Variants in ACTR3C observed in about 807,000 individuals in gnomAD.
ACTR3C encodes actin-related protein 3C.
ACTR3C carries 18 observed loss-of-function variants against 26.3 expected under a neutral mutation model. The ratio of observed to expected loss-of-function variants is 0.68; its 90% CI spans 0.47 to 1.01. ACTR3C has a LOEUF of 1.01. ACTR3C is among the 50% of genes least tolerant of loss of function. The pLI is 0.00. For missense variants in ACTR3C, 184 were observed against 250.7 expected, an observed-to-expected ratio of 0.73 and a Z score of 1.80; for synonymous variants, 55 against 94.5, an observed-to-expected ratio of 0.58 and a Z score of 2.42.
At chr7:149,893,221 A>G in the ACTR3C span, among the ~76,000 whole-genome samples, 1 of 152,118 alleles carries the variant, frequency 6.6e-6, no homozygotes, top group South Asian at 2.1e-4. Context: ...TCCTCACTTG[A>G]GGGCTTCCTT....
chr7:150,035,082 C>T, the ACTR3C span, among the ~76,000 whole-genome samples: 2 of 138,628 alleles, frequency 1.4e-5, no homozygotes, highest in African/African-American at 5.4e-5. Context: ...AAGATTTGAA[C>T]TTTCTACTTG....
the ACTR3C span, among the ~76,000 whole-genome samples, chr7:149,954,528 T>C: frequency 6.6e-6 from 1 of 152,198 alleles, no homozygotes; most frequent in Admixed American, 6.5e-5. Context: ...CATTGATTTA[T>C]ATATTCAGTT....
At chr7:149,949,526 G>T in the ACTR3C span, among the ~76,000 whole-genome samples, 129 of 142,348 alleles carry the variant, frequency 9.1e-4, no homozygotes, top group African/African-American at 3.4e-3. Context: ...TTTGCCTTTA[G>T]TCTTATGTTC....
the ACTR3C span, among the ~76,000 whole-genome samples, chr7:150,097,619 A>G: frequency 1.3e-5 from 2 of 151,620 alleles, no homozygotes; most frequent in Non-Finnish European, 2.9e-5. Context: ...AACCTGTTTA[A>G]GAAATCACAC....
the ACTR3C span, among the ~76,000 whole-genome samples, chr7:150,190,752 G>C: frequency 6.6e-6 from 1 of 152,098 alleles, no homozygotes; most frequent in Admixed American, 6.6e-5. Context: ...GACATACCCA[G>C]GACTGGGTAA....
intron 4 of ACTR3C, among the ~76,000 whole-genome samples, chr7:150,287,153 T>C (rs1427716760): frequency 6.6e-6 from 1 of 151,340 alleles, no homozygotes; most frequent in East Asian, 1.9e-4. Flanking sequence ...GTATTCTAAG[T>C]CCCTCAATCA....
chr7:149,969,021 T>C, the ACTR3C span, among the ~76,000 whole-genome samples: 1 of 151,844 alleles, frequency 6.6e-6, no homozygotes, highest in African/African-American at 2.4e-5. Context: ...GGAACAAAGA[T>C]TTCAGCTTCT....
the ACTR3C span, among the ~76,000 whole-genome samples, chr7:149,989,028 A>G: frequency 6.6e-6 from 1 of 152,182 alleles, no homozygotes; most frequent in Non-Finnish European, 1.5e-5. Context: ...CCAGGCATGG[A>G]GGGTCTCTGA....
rs1832647581 is a variant in ACTR3C, at chr7:150,248,983, A to T, written c.*3T>A. On this transcript the variant is annotated 3_prime_UTR_variant, in exon 7 of 8. Coordinates refer to ENST00000683684, the MANE Select transcript of ACTR3C (RefSeq NM_001164458.2). ...AGGCTACGCATGGGCTCAATATATC[A>T]TCTCAATGAAATGGAGGTGACAGAG... 3.0e-6 allele frequency: 2 copies of T among 671,280 alleles called. No homozygotes were observed. Among genetic ancestry groups the T allele is most frequent in the Admixed American group, 2.4e-5 (1 of 42,472 alleles). 41.6% of individuals were successfully genotyped at this position (671,280 alleles called of 1,614,324 possible). A position where few individuals can be genotyped will look rare whatever the true frequency, so the allele number is the denominator to read the frequency against.
chr7:150,286,669 G>C (rs1835803124), intron 4 of ACTR3C, 129 bp from the exon 5 acceptor site: 2 of 1,203,310 alleles, frequency 1.7e-6, no homozygotes, highest in Non-Finnish European at 2.3e-6. Flanking sequence ...CGTTACTCTA[G>C]TGTGGATATG....
At chr7:150,248,198 A>T (rs1214243076) in intron 7 of ACTR3C, 1 of 152,228 alleles carries the variant, frequency 6.6e-6, no homozygotes, top group Non-Finnish European at 1.5e-5. Flanking sequence ...AGCAGGATGC[A>T]GAGTAAGCCC....
the ACTR3C span, among the ~76,000 whole-genome samples, chr7:149,887,298 A>G: frequency 6.6e-6 from 1 of 152,246 alleles, no homozygotes; most frequent in African/African-American, 2.4e-5. Flanking sequence ...AAGACATGTA[A>G]AAGACTTTTG....
intron 6 of ACTR3C, among the ~76,000 whole-genome samples, chr7:150,250,467 T>C (rs966367284): frequency 1.3e-5 from 2 of 151,900 alleles, no homozygotes; most frequent in African/African-American, 4.9e-5. Context: ...CCTCCCAAAG[T>C]GCTGGGATTA....
chr7:149,898,518 A>G, the ACTR3C span, among the ~76,000 whole-genome samples: 1 of 152,130 alleles, frequency 6.6e-6, no homozygotes, highest in African/African-American at 2.4e-5. Flanking sequence ...ATCCTGGCCA[A>G]CATGATGAAA....
chr7:150,215,034 T>C, the ACTR3C span, among the ~76,000 whole-genome samples: 2 of 150,088 alleles, frequency 1.3e-5, no homozygotes, highest in South Asian at 2.1e-4. Context: ...AATGCATTTC[T>C]ATTGAATCAA....
chr7:150,265,724 T>C (rs1833989786), intron 6 of ACTR3C, among the ~76,000 whole-genome samples: 2 of 152,164 alleles, frequency 1.3e-5, no homozygotes, highest in Non-Finnish European at 2.9e-5. Flanking sequence ...TAGAAAGAAT[T>C]TCAAGCTCAG....
At chr7:149,954,746 T>C in the ACTR3C span, among the ~76,000 whole-genome samples, 1 of 152,252 alleles carries the variant, frequency 6.6e-6, no homozygotes, top group Non-Finnish European at 1.5e-5. Flanking sequence ...TCATTATCAA[T>C]GTATCTCGTG....
chr7:150,080,486 A>G, the ACTR3C span, among the ~76,000 whole-genome samples: 291 of 151,930 alleles, frequency 1.9e-3, 1 homozygote, highest in Non-Finnish European at 2.7e-3. Context: ...ACATCTTGAC[A>G]TCTTAGACAG....
chr7:149,906,412 CTTTTTTTTTTTTTTTTTTTTTTTT>C, the ACTR3C span, among the ~76,000 whole-genome samples: 16 of 72,100 alleles, frequency 2.2e-4, no homozygotes, highest in Admixed American at 1.6e-3. Flanking sequence ...GGGTTTGTTT[CTTTTTTTTTTTTTTTTTTTTTTTT>C]TTTTTTTTTT....
Sources: allele counts gnomAD v4.1 joint callset (sites outside exome capture counted in the v4.1 genomes callset), GRCh38; gene constraint gnomAD v4.1.1; transcripts MANE v1.5; gene names NCBI Gene and HGNC (gene_info 2026-07-23, HGNC 2026-07-21).